Variants in AGBL4 observed in about 807,000 individuals in gnomAD.
AGBL4 encodes the protein cytosolic carboxypeptidase 6.
Under a neutral mutation model 66.4 loss-of-function variants are expected in AGBL4, and 58 were observed. The observed-to-expected ratio is 0.87, with a 90% confidence interval of 0.71 to 1.09. The LOEUF (loss-of-function observed/expected upper bound fraction) is 1.09. AGBL4 is among the 50% of genes least tolerant of loss of function. AGBL4 has a pLI of 0.00. For missense variants in AGBL4, 579 were observed against 631.0 expected (o/e 0.92, Z 0.88); for synonymous variants, 234 against 222.9 (o/e 1.05, Z -0.44).
rs1186532546 is a variant in AGBL4 at position 48,994,385 on chromosome 1, A to C, written c.594+51199T>G. Among the ~76,000 whole-genome samples, 4 of 152,186 alleles carry C rather than the reference A, an allele frequency of 2.6e-5. No homozygotes were observed. In the South Asian group the frequency reaches 6.2e-4, roughly 24 times the overall value. On this transcript the variant is annotated intron_variant, in intron 5 of 13. Transcript: ENST00000371839. Reference sequence around the variant, plus strand: ...CTGTACTATGCTTATAGCATTTTCTATATGTATCTGTTATAACACTACATT... The same window carrying C: ...CTGTACTATGCTTATAGCATTTTCTCTATGTATCTGTTATAACACTACATT...
At chr1:48,620,127 G>A (rs930231079) in intron 9 of AGBL4, among the ~76,000 whole-genome samples, 1 of 152,136 alleles carries the variant, frequency 6.6e-6, no homozygotes, top group Non-Finnish European at 1.5e-5. Context: ...TGAAAGAAAA[G>A]CTTCTGGAAC....
At chr1:49,560,231 C>T (rs566872490) in intron 3 of AGBL4, among the ~76,000 whole-genome samples, 24 of 151,816 alleles carry the variant, frequency 1.6e-4, no homozygotes, top group African/African-American at 2.7e-4. Context: ...CAAGATAACA[C>T]GGAGAAAAAA....
At chr1:49,116,115 T>G (rs1029235748) in intron 4 of AGBL4, among the ~76,000 whole-genome samples, 1 of 152,232 alleles carries the variant, frequency 6.6e-6, no homozygotes, top group Admixed American at 6.5e-5. Flanking sequence ...TAAAAATCTC[T>G]GTATAAGTAT....
At chr1:48,910,654 T>C (rs1366377056) in intron 5 of AGBL4, among the ~76,000 whole-genome samples, 2 of 145,628 alleles carry the variant, frequency 1.4e-5, no homozygotes, top group Admixed American at 6.8e-5. Flanking sequence ...CAGGCTTTTT[T>C]TTCTTTTCCC....
chr1:48,593,778 AATAAT>A (rs1250792028), intron 9 of AGBL4, among the ~76,000 whole-genome samples: 1 of 152,146 alleles, frequency 6.6e-6, no homozygotes, highest in African/African-American at 2.4e-5. Context: ...AATAAAATAA[AATAAT>A]AAATTCCTAG....
chr1:49,263,625 T>A (rs1653449441), intron 3 of AGBL4, among the ~76,000 whole-genome samples: 1 of 152,190 alleles, frequency 6.6e-6, no homozygotes, highest in Non-Finnish European at 1.5e-5. Context: ...GTAAATCTAA[T>A]ATCAAGTATT....
intron 1 of AGBL4, among the ~76,000 whole-genome samples, chr1:50,003,342 A>C (rs947400012): frequency 6.6e-6 from 1 of 152,236 alleles, no homozygotes; most frequent in Non-Finnish European, 1.5e-5. Flanking sequence ...GTGCATTCAA[A>C]GATTGCTTTA....
At chr1:48,548,544 C>T (rs188121216) in intron 11 of AGBL4, among the ~76,000 whole-genome samples, 2 of 152,344 alleles carry the variant, frequency 1.3e-5, no homozygotes, top group East Asian at 3.9e-4. Flanking sequence ...CCCAGAGCAG[C>T]TTCGGCAGAG....
At chr1:48,649,135 GAGTTTAT>G (rs1645885567) in intron 8 of AGBL4, among the ~76,000 whole-genome samples, 1 of 152,184 alleles carries the variant, frequency 6.6e-6, no homozygotes, top group Admixed American at 6.5e-5. Flanking sequence ...TGACTTCACG[GAGTTTAT>G]AGTCTAAAGT....
intron 1 of AGBL4, among the ~76,000 whole-genome samples, chr1:50,007,967 A>G (rs1447451549): frequency 6.6e-6 from 1 of 151,986 alleles, no homozygotes; most frequent in Non-Finnish European, 1.5e-5. Context: ...CCAATTCAGC[A>G]AGAGGATAAA....
intron 4 of AGBL4, among the ~76,000 whole-genome samples, chr1:49,116,541 G>A (rs1183671821): frequency 6.6e-6 from 1 of 152,184 alleles, no homozygotes; most frequent in Non-Finnish European, 1.5e-5. Flanking sequence ...CCCTGCAAAG[G>A]ACATGAACTC....
At chr1:49,083,903 G>C (rs1236573793) in intron 4 of AGBL4, among the ~76,000 whole-genome samples, 4 of 152,160 alleles carry the variant, frequency 2.6e-5, no homozygotes, top group South Asian at 2.1e-4. Context: ...TCTTTCGCTA[G>C]ATACTCTAAA....
intron 3 of AGBL4, among the ~76,000 whole-genome samples, chr1:49,370,712 A>T (rs1383529219): frequency 6.6e-6 from 1 of 152,202 alleles, no homozygotes; most frequent in Non-Finnish European, 1.5e-5. Flanking sequence ...GGGTTAATAC[A>T]AGATTTTACC....
At chr1:49,625,580 C>T (rs117422480) in intron 3 of AGBL4, among the ~76,000 whole-genome samples, 17 of 152,266 alleles carry the variant, frequency 1.1e-4, no homozygotes, top group Admixed American at 9.8e-4. Context: ...TAGGAACTTG[C>T]TGAAATTTTC....
At chr1:48,976,132 A>C (rs1206113623) in intron 5 of AGBL4, among the ~76,000 whole-genome samples, 2 of 152,318 alleles carry the variant, frequency 1.3e-5, no homozygotes. Flanking sequence ...AATTATTGGG[A>C]TGGGAAGAGT....
chr1:49,173,823 T>A (rs937670497), intron 4 of AGBL4, among the ~76,000 whole-genome samples: 3 of 152,020 alleles, frequency 2.0e-5, no homozygotes, highest in Admixed American at 6.6e-5. Context: ...ATAAACAGGA[T>A]ACACAAAAAA....
At chr1:49,493,714 G>T (rs1310868169) in intron 3 of AGBL4, among the ~76,000 whole-genome samples, 2 of 151,946 alleles carry the variant, frequency 1.3e-5, no homozygotes, top group Admixed American at 1.3e-4. Flanking sequence ...AAACCAATGT[G>T]CTTCCCAAAT....
chr1:49,771,766 T>G (rs1179823108), intron 2 of AGBL4, among the ~76,000 whole-genome samples: 1 of 152,044 alleles, frequency 6.6e-6, no homozygotes, highest in African/African-American at 2.4e-5. Flanking sequence ...TCTTTACAAT[T>G]TTTGATATAA....
rs143143073 is a variant in AGBL4, at chr1:49,000,180, A to G, written c.594+45404T>C. On this transcript the variant is annotated intron_variant, in intron 5 of 13. Coordinates refer to ENST00000371839, the MANE Select transcript of AGBL4 (RefSeq NM_032785.4). Reference sequence around the variant, plus strand: ...TATAGATGGGGACACTAAGACTCAGAGAAGTTACATGCGTCTCCCAAGGTC... The same window carrying G: ...TATAGATGGGGACACTAAGACTCAGGGAAGTTACATGCGTCTCCCAAGGTC... 1.3e-4 allele frequency among the ~76,000 whole-genome samples: 20 copies of G among 152,294 alleles called. No homozygotes were observed. The East Asian group carries it at 3.5e-3, about 26-fold the overall frequency.
Sources: gnomAD v4.1 joint callset for allele counts (sites outside exome capture counted in the v4.1 genomes callset) on GRCh38, gnomAD v4.1.1 for gene constraint, MANE v1.5 for transcripts, NCBI Gene and HGNC (gene_info 2026-07-23, HGNC 2026-07-21) for gene names.